The following FBXL17 variants were observed in gnomAD, a reference collection of about 807,000 sequenced individuals.
FBXL17 encodes F-box/LRR-repeat protein 17.
In FBXL17, 22 loss-of-function variants were observed where a neutral mutation model predicts 66.2. The ratio of observed to expected loss-of-function variants is 0.33; its 90% CI spans 0.24 to 0.47. The LOEUF is 0.47. Ranked by LOEUF, FBXL17 falls within the 20% of genes least tolerant of loss-of-function variation. The pLI, the probability that FBXL17 is intolerant of heterozygous loss-of-function variation, is 1.00. For missense variants in FBXL17, 878 were observed against 948.2 expected, an observed-to-expected ratio of 0.93 and a Z score of 0.97; for synonymous variants, 474 against 400.5, an observed-to-expected ratio of 1.18 and a Z score of -2.19.
chr5:108,331,117 G>GA (rs1254918301), intron 4 of FBXL17, among the ~76,000 whole-genome samples: 1 of 152,026 alleles, frequency 6.6e-6, no homozygotes. Flanking sequence ...TGTTCAAAAG[G>GA]AAAAAATCTA....
Position 108,191,636 on chromosome 5 carries a change from G to T in FBXL17, c.1615-5389C>A, listed in dbSNP as rs532505851. On this transcript the variant is annotated intron_variant, in intron 5 of 8. Transcript: ENST00000542267. Reference sequence around the variant, plus strand: ...AATCTGAGCTATTTTATAGACTTGTGAAAATCCAAAAATATCTAAAATTTG... The same window carrying T: ...AATCTGAGCTATTTTATAGACTTGTTAAAATCCAAAAATATCTAAAATTTG... Among the ~76,000 whole-genome samples, 5 of 152,268 alleles carry T rather than the reference G, an allele frequency of 3.3e-5. No individual in the cohort carries two copies. The East Asian group carries it at 9.7e-4, about 29-fold the overall frequency.
At chr5:108,092,594 C>T (rs983814778) in intron 6 of FBXL17, among the ~76,000 whole-genome samples, 4 of 152,108 alleles carry the variant, frequency 2.6e-5, no homozygotes, top group South Asian at 2.1e-4. Flanking sequence ...GGATTACAGA[C>T]GTTGAGCCAC....
At chr5:108,191,978 A>G (rs141863285) in intron 5 of FBXL17, among the ~76,000 whole-genome samples, 2 of 152,340 alleles carry the variant, frequency 1.3e-5, no homozygotes, top group East Asian at 3.9e-4. Context: ...AACTTGAAAT[A>G]TGACAGTATC....
intron 5 of FBXL17, among the ~76,000 whole-genome samples, chr5:108,215,336 C>G (rs1754553905): frequency 6.6e-6 from 1 of 152,206 alleles, no homozygotes; most frequent in African/African-American, 2.4e-5. Context: ...CATTAATGTA[C>G]AAGGGTTCTA....
intron 4 of FBXL17, among the ~76,000 whole-genome samples, chr5:108,296,057 A>G (rs1758337078): frequency 6.6e-6 from 1 of 151,898 alleles, no homozygotes; most frequent in Non-Finnish European, 1.5e-5. Flanking sequence ...CAATTAGTCA[A>G]CATTACACAA....
intron 6 of FBXL17, among the ~76,000 whole-genome samples, chr5:108,161,504 ACCCACAC>A (rs1752219057): frequency 6.6e-6 from 1 of 151,908 alleles, no homozygotes; most frequent in African/African-American, 2.4e-5. Flanking sequence ...AAACAAAAAA[ACCCACAC>A]AAACTCAACC....
At chr5:108,275,711 G>T (rs921005543) in intron 4 of FBXL17, among the ~76,000 whole-genome samples, 7 of 152,196 alleles carry the variant, frequency 4.6e-5, no homozygotes, top group Non-Finnish European at 8.8e-5. Flanking sequence ...GACAAAGAGA[G>T]ACTTAAGTCT....
intron 4 of FBXL17, among the ~76,000 whole-genome samples, chr5:108,260,726 G>C (rs908871412): frequency 2.0e-5 from 3 of 152,126 alleles, no homozygotes; most frequent in Non-Finnish European, 4.4e-5. Flanking sequence ...GGAACTTTAA[G>C]CCAGAGGAGC....
intron 6 of FBXL17, among the ~76,000 whole-genome samples, chr5:108,043,111 G>C (rs765529024): frequency 4.6e-5 from 7 of 152,046 alleles, no homozygotes; most frequent in Non-Finnish European, 7.4e-5. Flanking sequence ...CTTTCTATAT[G>C]CGATACGTTA....
At chr5:108,298,192 T>C in intron 4 of FBXL17, 1 of 980,256 alleles carries the variant, frequency 1.0e-6, no homozygotes. Flanking sequence ...AAAGTACAGC[T>C]CCATATGATA....
intron 6 of FBXL17, among the ~76,000 whole-genome samples, chr5:108,068,636 T>C (rs907185174): frequency 1.3e-5 from 2 of 152,054 alleles, no homozygotes; most frequent in African/African-American, 4.8e-5. Context: ...TTTGTATTTT[T>C]TTAGTAGAGA....
intron 7 of FBXL17, among the ~76,000 whole-genome samples, chr5:107,922,094 A>G (rs1342360852): frequency 1.3e-5 from 2 of 152,286 alleles, no homozygotes; most frequent in Non-Finnish European, 1.5e-5. Flanking sequence ...GGAACATTTC[A>G]TTTCCAAAAT....
At chr5:108,173,219 A>G (rs1410445135) in intron 6 of FBXL17, among the ~76,000 whole-genome samples, 2 of 152,198 alleles carry the variant, frequency 1.3e-5, no homozygotes, top group South Asian at 2.1e-4. Context: ...ATATCCTTAT[A>G]AAAAGCACAT....
At chr5:108,130,395 T>A (rs1014250207) in intron 6 of FBXL17, among the ~76,000 whole-genome samples, 3 of 151,998 alleles carry the variant, frequency 2.0e-5, no homozygotes, top group African/African-American at 7.2e-5. Context: ...AGTATCTGGA[T>A]ATAGTAATAT....
At chr5:108,148,185 G>C (rs756248502) in intron 6 of FBXL17, among the ~76,000 whole-genome samples, 15 of 152,210 alleles carry the variant, frequency 9.9e-5, no homozygotes, top group Admixed American at 2.0e-4. Context: ...TCTGACAAAA[G>C]AGTACATATT....
chr5:107,996,910 T>C (rs1753496422), intron 7 of FBXL17, among the ~76,000 whole-genome samples: 2 of 152,124 alleles, frequency 1.3e-5, no homozygotes. Flanking sequence ...CCTGGAAAAA[T>C]GGGTTGAATT....
At chr5:108,079,626 G>A (rs1249739067) in intron 6 of FBXL17, among the ~76,000 whole-genome samples, 1 of 152,142 alleles carries the variant, frequency 6.6e-6, no homozygotes, top group African/African-American at 2.4e-5. Flanking sequence ...ATTAACCTCT[G>A]CTTAAAAAGT....
intron 7 of FBXL17, among the ~76,000 whole-genome samples, chr5:107,886,771 T>C (rs1381821974): frequency 6.6e-6 from 1 of 152,114 alleles, no homozygotes; most frequent in Non-Finnish European, 1.5e-5. Flanking sequence ...ACATTATATA[T>C]ACTCCCTGAT....
At chr5:107,861,953 G>T (rs1474048330) in intron 8 of FBXL17, 93 bp from the exon 9 acceptor site, 49 of 1,305,456 alleles carry the variant, frequency 3.8e-5, no homozygotes, top group Non-Finnish European at 4.8e-5. Flanking sequence ...GGCTCACTGT[G>T]ACACGAAGAG....
Sources: gnomAD v4.1 joint callset for allele counts (sites outside exome capture counted in the v4.1 genomes callset) on GRCh38, gnomAD v4.1.1 for gene constraint, MANE v1.5 for transcripts, NCBI Gene and HGNC (gene_info 2026-07-23, HGNC 2026-07-21) for gene names.